NXN: variants seen among roughly 807,000 people sequenced by gnomAD.
The protein encoded by NXN is nucleoredoxin 1.
NXN carries 16 observed loss-of-function variants against 48.6 expected under a neutral mutation model. That is an observed-to-expected ratio of 0.33 (90% CI 0.22 to 0.50). NXN has a LOEUF of 0.50. Among genes scored for constraint, NXN ranks in the 20% least tolerant of loss-of-function variants. The probability of loss-of-function intolerance (pLI) is 0.98; values close to 1 mark genes in which losing one functional copy is unlikely to be tolerated. For missense variants in NXN, 492 were observed against 605.5 expected, an observed-to-expected ratio of 0.81 and a Z score of 1.97; for synonymous variants, 281 against 269.6, an observed-to-expected ratio of 1.04 and a Z score of -0.41.
At chr17:846,425 A>G (rs985745725) in intron 1 of NXN, among the ~76,000 whole-genome samples, 16 of 149,678 alleles carry the variant, frequency 1.1e-4, no homozygotes, top group African/African-American at 3.7e-4. Flanking sequence ...AAAAAAAAAA[A>G]AAAAAAGAAA....
chr17:872,405 G>T lies in NXN; in HGVS notation c.361-46327C>A, dbSNP rs549315672. On this transcript the variant is annotated intron_variant, in intron 1 of 7. Coordinates refer to ENST00000336868, the MANE Select transcript of NXN (RefSeq NM_022463.5). ...GAGAGAGAGAGAGAAACACATCAAC[G>T]ACAAGGAGACAGAGGAACACGTCAA... Among the ~76,000 whole-genome samples the T allele has an allele frequency of 6.6e-5, 10 of 151,360 alleles. No homozygotes were observed. The East Asian group carries it at 1.2e-3, about 18-fold the overall frequency.
At chr17:969,355 T>G (rs2069344929) in intron 1 of NXN, among the ~76,000 whole-genome samples, 1 of 152,188 alleles carries the variant, frequency 6.6e-6, no homozygotes, top group African/African-American at 2.4e-5. Flanking sequence ...CCGGGAAACC[T>G]GGATCTGGAT....
At chr17:900,182 T>C (rs1219389843) in intron 1 of NXN, among the ~76,000 whole-genome samples, 1 of 151,614 alleles carries the variant, frequency 6.6e-6, no homozygotes, top group Non-Finnish European at 1.5e-5. Flanking sequence ...GGAGAATCGC[T>C]TGAACCCGGG....
intron 1 of NXN, among the ~76,000 whole-genome samples, chr17:826,499 C>T (rs1022276313): frequency 1.3e-5 from 2 of 152,190 alleles, no homozygotes; most frequent in African/African-American, 2.4e-5. Context: ...GATTCCACAT[C>T]TTCAGAACAC....
intron 1 of NXN, among the ~76,000 whole-genome samples, chr17:889,587 G>C (rs935817441): frequency 3.3e-5 from 5 of 152,056 alleles, no homozygotes; most frequent in African/African-American, 4.8e-5. Flanking sequence ...CCAGCTAGGA[G>C]AATCGCTTGA....
chr17:977,910 C>G (rs9915576), intron 1 of NXN, among the ~76,000 whole-genome samples: 5,014 of 152,300 alleles, frequency 0.033, 259 homozygotes, highest in African/African-American at 0.11. Context: ...AAAATGCCAA[C>G]TCTTGCCTCT....
intron 1 of NXN, chr17:878,332 G>A (rs1597687060): frequency 6.8e-6 from 1 of 146,948 alleles, no homozygotes; most frequent in East Asian, 2.2e-4. Flanking sequence ...GCTGAGCAGA[G>A]TGTGCAAAGG....
chr17:933,964 G>A (rs2068879356), intron 1 of NXN, among the ~76,000 whole-genome samples: 1 of 152,150 alleles, frequency 6.6e-6, no homozygotes, highest in South Asian at 2.1e-4. Context: ...TAAACAGGAG[G>A]GGAAATGGGT....
intron 5 of NXN, among the ~76,000 whole-genome samples, chr17:807,020 G>C (rs57850320): frequency 6.6e-6 from 1 of 152,160 alleles, no homozygotes; most frequent in African/African-American, 2.4e-5. Flanking sequence ...GACAGTGCCC[G>C]AGGAGCTGTG....
chr17:979,499 C>T lies in NXN; in HGVS notation c.180G>A (p.Leu60=), dbSNP rs2069512036. The T allele has an allele frequency of 1.6e-6, 2 of 1,219,304 alleles. No individual in the cohort carries two copies. The highest frequency in any genetic ancestry group is 6.2e-5 in the South Asian group (2 of 32,410). 75.5% of individuals were successfully genotyped at this position (1,219,304 alleles called of 1,614,324 possible). A position where few individuals can be genotyped will look rare whatever the true frequency, so the allele number is the denominator to read the frequency against. The change falls in exon 1 of 8, where the codon CTG becomes CTA. Residue 60 remains leucine, a synonymous_variant. Transcript: ENST00000336868. ...SASLAAFYGR[L]RGDAAAGPGP... ...CCGGCCCGGCCGCCGCGTCCCCCCG[C>T]AGGCGCCCGTAGAAGGCGGCCAGGC...
intron 1 of NXN, chr17:878,113 T>C (rs1290266775): frequency 2.6e-5 from 4 of 152,200 alleles, no homozygotes; most frequent in Non-Finnish European, 4.4e-5. Context: ...AACAGAGATC[T>C]GCACAGCGAC....
chr17:901,051 G>A lies in NXN; in HGVS notation c.361-74973C>T, dbSNP rs1359013464. On this transcript the variant is annotated intron_variant, in intron 1 of 7. Transcript: ENST00000336868. ...TTCTCGTGCCTCAGCCTCCCGAGTA[G>A]CTGGGATTGCAGGCATCCACCACCA... Among the ~76,000 whole-genome samples, 9 of 151,488 alleles carry A rather than the reference G, an allele frequency of 5.9e-5. No homozygotes were observed. The Admixed American group carries it at 6.0e-4, about 10-fold the overall frequency.
chr17:938,613 G>A (rs2068935201), intron 1 of NXN, among the ~76,000 whole-genome samples: 1 of 152,154 alleles, frequency 6.6e-6, no homozygotes, highest in Admixed American at 6.5e-5. Flanking sequence ...AACCTGGGGA[G>A]GCGGAGGTCG....
At chr17:903,296 C>T (rs2068553909) in intron 1 of NXN, among the ~76,000 whole-genome samples, 1 of 152,062 alleles carries the variant, frequency 6.6e-6, no homozygotes, top group Admixed American at 6.6e-5. Context: ...ACCTCCTCTT[C>T]CAGTGTTCAA....
At chr17:979,037 T>G (rs1334960166) in intron 1 of NXN, among the ~76,000 whole-genome samples, 3 of 143,106 alleles carry the variant, frequency 2.1e-5, no homozygotes, top group Admixed American at 6.9e-5. Context: ...GGTCCAACTT[T>G]CCAGGGCGGG....
chr17:841,445 CCCCTGACCACGGCGCATCTCACACGG>C (rs1567827508), intron 1 of NXN, among the ~76,000 whole-genome samples: 1,513 of 29,836 alleles, frequency 0.051, 75 homozygotes, highest in East Asian at 0.14. Context: ...CGAGCAGGTC[CCCCTGACCACGGCGCATCTCACACGG>C]GCGAGCAGGT....
At chr17:804,376 C>T (rs1286575293) in intron 6 of NXN, among the ~76,000 whole-genome samples, 4 of 151,014 alleles carry the variant, frequency 2.6e-5, no homozygotes, top group Admixed American at 6.6e-5. Context: ...TCTGCCTCCC[C>T]GGTTCAAGCG....
chr17:879,936 G>C (rs754150146), intron 1 of NXN: 1 of 152,172 alleles, frequency 6.6e-6, no homozygotes, highest in Non-Finnish European at 1.5e-5. Context: ...GGTCCGAGAA[G>C]AAAGTGACAA....
chr17:896,858 C>CGGGGGGGGGGGG, intron 1 of NXN: 1 of 536,128 alleles, frequency 1.9e-6, no homozygotes, highest in Non-Finnish European at 3.0e-6. Context: ...GTCCTGACCA[C>CGGGGGGGGGGGG]CCGCCCCCGG....
Sources: gnomAD v4.1 joint callset for allele counts (sites outside exome capture counted in the v4.1 genomes callset) on GRCh38, gnomAD v4.1.1 for gene constraint, MANE v1.5 for transcripts, NCBI Gene and HGNC (gene_info 2026-07-23, HGNC 2026-07-21) for gene names.